ARHGAP42: variants seen among roughly 807,000 people sequenced by gnomAD.
ARHGAP42 encodes the protein Rho GTPase activating protein 42.
In ARHGAP42, 63 loss-of-function variants were observed where a neutral mutation model predicts 125.0. The observed-to-expected ratio is 0.50, with a 90% CI of 0.41 to 0.62. The LOEUF (loss-of-function observed/expected upper bound fraction) is 0.62, where lower values mean the gene tolerates loss of function less well. ARHGAP42 is among the 20% of genes least tolerant of loss of function. The pLI is 0.00. For synonymous variants in ARHGAP42, 339 were observed against 351.0 expected, an observed-to-expected ratio of 0.97 and a Z score of 0.38; for missense variants, 766 against 1,024.2, an observed-to-expected ratio of 0.75 and a Z score of 3.44.
At chr11:100,769,866 G>C (rs905640485) in intron 1 of ARHGAP42, among the ~76,000 whole-genome samples, 14 of 151,694 alleles carry the variant, frequency 9.2e-5, no homozygotes, top group African/African-American at 3.4e-4. Context: ...GGGAAAAATA[G>C]CTCAATGCAT....
chr11:100,943,787 T>C lies in ARHGAP42; in HGVS notation c.962T>C (p.Met321Thr). 1 of 1,549,932 alleles carries C rather than the reference T, an allele frequency of 6.5e-7. No homozygotes were observed. The highest frequency in any genetic ancestry group is 8.7e-7 in the Non-Finnish European group (1 of 1,145,820). The change falls in exon 10 of 24, where the codon ATG becomes ACG. Residue 321 changes from methionine (M) to threonine (T), a missense_variant. Around this residue, in one of 3 missense-constraint regions of ARHGAP42, gnomAD observed 455 missense variants for 636.5 expected, o/e 0.71. Coordinates refer to ENST00000298815, the MANE Select transcript of ARHGAP42 (RefSeq NM_152432.4). ...GGCCTTGTTACTAGCTCACCGGAAA[T>C]GTTTAAATTAAAATCTTGTATCCGA... Reference protein sequence around the residue: ...MNGLVTSSPEMFKLKSCIRRK... With the variant: ...MNGLVTSSPETFKLKSCIRRK...
At chr11:100,854,651 T>A (rs1443371379) in intron 3 of ARHGAP42, among the ~76,000 whole-genome samples, 9 of 152,150 alleles carry the variant, frequency 5.9e-5, no homozygotes, top group Admixed American at 5.2e-4. Flanking sequence ...TCTAGTTTAG[T>A]GGTGCTGTGG....
chr11:100,696,001 G>T (rs1008283192), intron 1 of ARHGAP42, among the ~76,000 whole-genome samples: 1 of 152,150 alleles, frequency 6.6e-6, no homozygotes, highest in Non-Finnish European at 1.5e-5. Flanking sequence ...TGAGGCAAAT[G>T]GATCATTTGA....
At chr11:100,790,920 G>A (rs986397719) in intron 2 of ARHGAP42, among the ~76,000 whole-genome samples, 3 of 152,062 alleles carry the variant, frequency 2.0e-5, no homozygotes, top group African/African-American at 7.2e-5. Context: ...TAAAATACGA[G>A]GTATTACAAA....
chr11:100,861,922 G>C (rs1865454439), intron 4 of ARHGAP42, among the ~76,000 whole-genome samples: 1 of 152,150 alleles, frequency 6.6e-6, no homozygotes, highest in Admixed American at 6.6e-5. Context: ...AGTGAGACGG[G>C]AAGAGGACCC....
Position 100,976,391 on chromosome 11 carries a change from G to A in ARHGAP42, c.2190G>A (p.Leu730=), listed in dbSNP as rs1858392306. The A allele has an allele frequency of 1.3e-6, 2 of 1,544,168 alleles. No individual in the cohort carries two copies. The highest frequency in any genetic ancestry group is 1.4e-5 in the African/African-American group (1 of 72,820). The change falls in exon 20 of 24, where the codon CTG becomes CTA. Residue 730 remains leucine, a synonymous_variant. Coordinates refer to ENST00000298815, the MANE Select transcript of ARHGAP42 (RefSeq NM_152432.4). ...VKKEPYGLSG[L]KRASASSLRS... is the part of the protein sequence containing the mutation. ...AAGAGCCTTATGGGCTTTCAGGACT[G>A]AAAAGAGCTTCTGCTTCTTCTCTCA...
intron 2 of ARHGAP42, among the ~76,000 whole-genome samples, chr11:100,779,585 T>TAC (rs1591175451): frequency 6.8e-6 from 1 of 146,854 alleles, no homozygotes; most frequent in Admixed American, 6.9e-5. Context: ...TATATACATA[T>TAC]ATACGTGTAT....
At chr11:100,780,368 AT>A (rs1156966601) in intron 2 of ARHGAP42, among the ~76,000 whole-genome samples, 1 of 152,218 alleles carries the variant, frequency 6.6e-6, no homozygotes, top group East Asian at 1.9e-4. Flanking sequence ...ACCTATGCTA[AT>A]TTGGGATGCA....
At chr11:100,743,441 C>G (rs908358370) in intron 1 of ARHGAP42, among the ~76,000 whole-genome samples, 1 of 152,282 alleles carries the variant, frequency 6.6e-6, no homozygotes, top group South Asian at 2.1e-4. Context: ...TGCTTTTAGT[C>G]TGATAGGTTT....
chr11:100,863,074 ACACAC>A (rs144018324), intron 4 of ARHGAP42, among the ~76,000 whole-genome samples: 11,106 of 149,670 alleles, frequency 0.074, 620 homozygotes, highest in African/African-American at 0.15. Context: ...ACACACACAC[ACACAC>A]ACAACAACAA....
chr11:100,870,947 TA>T (rs35187671), intron 4 of ARHGAP42, among the ~76,000 whole-genome samples: 68,863 of 141,828 alleles, frequency 0.49, 16,239 homozygotes, highest in East Asian at 0.54. Flanking sequence ...AAAGAAGGTT[TA>T]AAAAAAAAAA....
At chr11:100,957,322 AGCATT>A (rs1857829780) in intron 12 of ARHGAP42, among the ~76,000 whole-genome samples, 2 of 152,070 alleles carry the variant, frequency 1.3e-5, no homozygotes, top group Non-Finnish European at 2.9e-5. Context: ...AAAAAAACCT[AGCATT>A]GAATTCGTCT....
intron 4 of ARHGAP42, among the ~76,000 whole-genome samples, chr11:100,873,229 A>G (rs1047359067): frequency 9.2e-5 from 14 of 152,238 alleles, no homozygotes; most frequent in Non-Finnish European, 2.1e-4. Flanking sequence ...ATATACGGGT[A>G]TGATTGCAGC....
chr11:100,858,833 A>G (rs1424102588), intron 3 of ARHGAP42, among the ~76,000 whole-genome samples: 1 of 152,026 alleles, frequency 6.6e-6, no homozygotes. Context: ...TTTTAAATCA[A>G]CATTCCCCTC....
rs1352715201 is a variant in ARHGAP42 at position 100,779,453 on chromosome 11, A to G, written c.250+9015A>G. 2.3e-3 allele frequency among the ~76,000 whole-genome samples: 169 copies of G among 74,826 alleles called. 1 individual carries two copies. In the East Asian group the frequency reaches 0.049, roughly 22 times the overall value. The allele number at this position is 74,826 out of a possible 152,430, so 49.1% of individuals were successfully genotyped here. ...AGAGCGAGACTGCGTCTCAAAAAAA[A>G]AAAAAAAAAAAAAAATATATATATA... On this transcript the variant is annotated intron_variant, in intron 2 of 23. Transcript: ENST00000298815.
intron 2 of ARHGAP42, among the ~76,000 whole-genome samples, chr11:100,789,166 G>A (rs1198483865): frequency 5.9e-5 from 9 of 152,062 alleles, no homozygotes; most frequent in Non-Finnish European, 1.2e-4. Flanking sequence ...GCTTTACAGA[G>A]CCTACACTGT....
At chr11:100,974,423 C>G in intron 18 of ARHGAP42, 36 bp from the exon 19 acceptor site, 5 of 1,540,426 alleles carry the variant, frequency 3.2e-6, no homozygotes, top group Non-Finnish European at 4.4e-6. Flanking sequence ...CAATATCACC[C>G]TTTTATTGAC....
rs630425 is a variant in ARHGAP42 at position 100,800,461 on chromosome 11, A to G, written c.312+5295A>G. 9.5e-3 allele frequency among the ~76,000 whole-genome samples: 1,450 copies of G among 152,054 alleles called. 18 individuals are homozygous for G. The highest frequency in any genetic ancestry group is 0.033 in the African/African-American group (1,376 of 41,442). On this transcript the variant is annotated intron_variant, in intron 3 of 23. Transcript: ENST00000298815. ...GGAGACAGGCCTTAGGAATCCAGAA[A>G]GCTGAGCTCAGAGATTTGGATGTTT...
In ARHGAP42 at chr11:100,960,968, A is replaced by T; in HGVS notation, c.1279A>T (p.Lys427Ter). 2 of 1,541,196 alleles carry T rather than the reference A, an allele frequency of 1.3e-6. No individual in the cohort carries two copies. The highest frequency in any genetic ancestry group is 1.8e-6 in the Non-Finnish European group (2 of 1,142,158). Residue 427 changes from lysine (K) to a stop codon, truncating the protein, a stop_gained, in exon 14 of 24, where the codon AAA becomes TAA. Transcript: ENST00000298815. LOFTEE classifies it high-confidence loss of function. ...RIGGVNSKVQ[K>*]LMNTTFSPKS... is the part of the protein sequence containing the mutation. Reference sequence around the variant, plus strand: ...AGGAGGAGTGAACTCCAAAGTTCAAAAACTCATGAATACCACATTTTGTAA... The same window carrying T: ...AGGAGGAGTGAACTCCAAAGTTCAATAACTCATGAATACCACATTTTGTAA...
Sources: gnomAD v4.1 joint callset for allele counts (sites outside exome capture counted in the v4.1 genomes callset) on GRCh38, gnomAD v4.1.1 for gene constraint, gnomAD v4.1.1 regional missense constraint, MANE v1.5 for transcripts, NCBI Gene and HGNC (gene_info 2026-07-23, HGNC 2026-07-21) for gene names.